MID1: variants seen among roughly 807,000 people sequenced by gnomAD.
MID1 encodes midline 1.
A neutral mutation model predicts 40.4 loss-of-function variants in MID1; 7 were observed. The ratio of observed to expected loss-of-function variants is 0.17; its 90% CI spans 0.10 to 0.33. The LOEUF (loss-of-function observed/expected upper bound fraction) is 0.33. Ranked by LOEUF, MID1 falls within the 10% of genes least tolerant of loss-of-function variation. The pLI is 1.00. For missense variants in MID1, 367 were observed against 558.5 expected (o/e 0.66, Z 3.46); for synonymous variants, 229 against 221.2 (o/e 1.04, Z -0.31).
At chrX:10,747,180 A>G (rs1251036583) in intron 1 of MID1, among the ~76,000 whole-genome samples, 1 of 111,761 alleles carries the variant, frequency 8.9e-6, no homozygotes, top group Non-Finnish European at 1.9e-5. Context: ...TGAAGACTGG[A>G]TGTGATGGGG....
intron 8 of MID1, among the ~76,000 whole-genome samples, chrX:10,457,205 G>A (rs187624558): frequency 1.4e-4 from 16 of 111,777 alleles, no homozygotes; most frequent in East Asian, 8.5e-4. Context: ...GCCTCCTTCC[G>A]GTGAGATATA....
At chrX:10,758,066 T>C (rs969565444) in intron 1 of MID1, among the ~76,000 whole-genome samples, 1 of 109,407 alleles carries the variant, frequency 9.1e-6, no homozygotes, top group Non-Finnish European at 1.9e-5. Flanking sequence ...CAGGCTCAAG[T>C]TATCCTTCCA....
chrX:10,695,382 C>T (rs972355914), intron 1 of MID1, among the ~76,000 whole-genome samples: 3 of 111,769 alleles, frequency 2.7e-5, no homozygotes. Flanking sequence ...CTGCCTTGGC[C>T]TCCCAAAGTG....
chrX:10,460,157 A>G (rs1928938677), intron 7 of MID1: 3 of 290,717 alleles, frequency 1.0e-5, no homozygotes, highest in Non-Finnish European at 1.9e-5. Context: ...AAGAGTAGGC[A>G]TGACAAAACC....
intron 1 of MID1, among the ~76,000 whole-genome samples, chrX:10,584,332 T>C (rs921437939): frequency 3.6e-5 from 4 of 112,586 alleles, no homozygotes; most frequent in Non-Finnish European, 7.5e-5. Flanking sequence ...TACCTGAATA[T>C]CTTAAGTGTT....
rs1928892426 is a variant in MID1, at chrX:10,459,513, C to T, written c.1447+133G>A. 4 of 699,645 alleles carry T rather than the reference C, an allele frequency of 5.7e-6. No homozygotes were observed. In the Admixed American group the frequency reaches 9.7e-5, roughly 17 times the overall value. 57.7% of individuals were successfully genotyped at this position (699,645 alleles called of 1,213,427 possible). A position where few individuals can be genotyped will look rare whatever the true frequency, so the allele number is the denominator to read the frequency against. On this transcript the variant is annotated intron_variant, in intron 8 of 9. Coordinates refer to ENST00000317552, the MANE Select transcript of MID1 (RefSeq NM_000381.4). ...ATCTGATGCAAATTCCATTATTCCA[C>T]ACTGGCTTTTTACTTGTTTTGGGGG...
chrX:10,698,159 G>C (rs1320175234), intron 1 of MID1, among the ~76,000 whole-genome samples: 5 of 112,071 alleles, frequency 4.5e-5, no homozygotes, highest in African/African-American at 1.6e-4. Context: ...GACCTCATCA[G>C]GCAGGCTGAG....
In MID1 at chrX:10,449,303, C is replaced by T. The variant is rs990860097; in HGVS notation, c.*65G>A. 9.4e-6 allele frequency: 9 copies of T among 959,164 alleles called. No individual in the cohort carries two copies. The African/African-American group carries it at 1.7e-4, about 18-fold the overall frequency. The allele number at this position is 959,164 out of a possible 1,213,427, so 79.0% of individuals were successfully genotyped here. A position where few individuals can be genotyped will look rare whatever the true frequency, so the allele number is the denominator to read the frequency against. The stretch of plus-strand genomic sequence containing the variant: ...TACACTCATGAAGCCTGTGCTTTCT[C>T]AGTCCCCTAAATAGTGGCCTGAACC... On this transcript the variant is annotated 3_prime_UTR_variant, in exon 10 of 10. Coordinates refer to ENST00000317552, the MANE Select transcript of MID1 (RefSeq NM_000381.4).
At chrX:10,798,645 C>T (rs112330941) in intron 1 of MID1, among the ~76,000 whole-genome samples, 36 of 111,697 alleles carry the variant, frequency 3.2e-4, no homozygotes, top group African/African-American at 1.1e-3. Flanking sequence ...CATCTTTACC[C>T]ACTCTGAGCT....
At position 10,656,757 on chromosome X, in the gene MID1, A is replaced by AT. The variant is rs201204700; in HGVS notation, c.-186-36339dup. ...TCACATACAGTAGAAGTAGATGGTGATTTTTTTTAAAAAAAAAAACAAGCC... is the reference window on the plus strand; with the variant it reads ...TCACATACAGTAGAAGTAGATGGTGATTTTTTTTTAAAAAAAAAAACAAGCC... On this transcript the variant is annotated intron_variant, in intron 1 of 10. Coordinates refer to the MID1 transcript ENST00000380785. Among the ~76,000 whole-genome samples the AT allele has an allele frequency of 6.1e-3, 658 of 108,560 alleles. 5 individuals are homozygous for AT. The highest frequency in any genetic ancestry group is 0.019 in the African/African-American group (570 of 29,410). The allele number at this position is 108,560 out of a possible 115,157, so 94.3% of individuals were successfully genotyped here.
At position 10,549,847 on chromosome X, in the gene MID1, G is replaced by A. The variant is rs138482813; in HGVS notation, c.660+17041C>T. ...TGCGTGATGGCCCTTCGAGCTCAGC[G>A]CTTTCATGACATGAACTTCTTGTGA... On this transcript the variant is annotated intron_variant, in intron 2 of 9. Transcript: ENST00000317552. 2.6e-3 allele frequency among the ~76,000 whole-genome samples: 292 copies of A among 112,274 alleles called. 4 individuals are homozygous for A. The East Asian group carries it at 0.028, about 11-fold the overall frequency.
intron 3 of MID1, among the ~76,000 whole-genome samples, chrX:10,507,761 C>G (rs960337708): frequency 8.9e-6 from 1 of 112,323 alleles, no homozygotes; most frequent in African/African-American, 3.2e-5. Context: ...TGTTTCGCAC[C>G]AAAAACAAAG....
upstream of MID1, among the ~76,000 whole-genome samples, chrX:10,622,207 C>A (rs767908498): frequency 9.1e-6 from 1 of 110,241 alleles, no homozygotes; most frequent in African/African-American, 3.3e-5. Flanking sequence ...AGAAATATTG[C>A]GTCTATCCCA....
intron 2 of MID1, among the ~76,000 whole-genome samples, chrX:10,552,394 C>T (rs188060181): frequency 2.8e-3 from 311 of 110,473 alleles, no homozygotes; most frequent in Middle Eastern, 0.014. Flanking sequence ...GGTTTCAAGA[C>T]CCTCCTACAG....
In MID1 at chrX:10,811,579, A is replaced by T. The variant is rs540060262; in HGVS notation, c.-187+21975T>A. 3.5e-4 allele frequency among the ~76,000 whole-genome samples: 39 copies of T among 112,206 alleles called. No individual in the cohort carries two copies. In the Middle Eastern group the frequency reaches 0.014, roughly 40 times the overall value. On this transcript the variant is annotated intron_variant, in intron 1 of 10. Transcript: ENST00000380785. ...AGATTGACCATATGCTGGGTACTAG[A>T]CAAAGATACAGTTCTTGTGCTTATT...
At chrX:10,608,752 T>C (rs1250604090) in intron 1 of MID1, among the ~76,000 whole-genome samples, 1 of 112,254 alleles carries the variant, frequency 8.9e-6, no homozygotes, top group Non-Finnish European at 1.9e-5. Context: ...AGAGTTGTTT[T>C]AAAGACCAGT....
chrX:10,750,626 G>A (rs1478165430), intron 1 of MID1, among the ~76,000 whole-genome samples: 1 of 108,561 alleles, frequency 9.2e-6, no homozygotes, highest in African/African-American at 3.4e-5. Flanking sequence ...GTGAGACTCT[G>A]TCTCGAAAAA....
chrX:10,787,770 C>T (rs897838675), intron 1 of MID1, among the ~76,000 whole-genome samples: 6 of 105,529 alleles, frequency 5.7e-5, no homozygotes, highest in African/African-American at 2.1e-4. Flanking sequence ...ACAGGAATTT[C>T]CCCCCCTAAA....
chrX:10,787,134 G>A (rs111887105), intron 1 of MID1, among the ~76,000 whole-genome samples: 4,845 of 110,978 alleles, frequency 0.044, 233 homozygotes, highest in African/African-American at 0.15. Flanking sequence ...CTAAAAAAGG[G>A]ACACTATATT....
Sources: gnomAD v4.1 joint callset for allele counts (sites outside exome capture counted in the v4.1 genomes callset) on GRCh38, gnomAD v4.1.1 for gene constraint, MANE v1.5 for transcripts, NCBI Gene and HGNC (gene_info 2026-07-23, HGNC 2026-07-21) for gene names.